Variants in NTN1 observed in about 807,000 individuals in gnomAD.
The protein encoded by NTN1 is netrin-1.
A neutral mutation model predicts 54.2 loss-of-function variants in NTN1; 11 were observed. The observed-to-expected ratio is 0.20, with a 90% confidence interval of 0.13 to 0.34. The LOEUF (loss-of-function observed/expected upper bound fraction) is 0.34. NTN1 is among the 10% of genes least tolerant of loss of function. The pLI, the probability that NTN1 is intolerant of heterozygous loss-of-function variation, is 1.00. For missense variants in NTN1, 740 were observed against 893.1 expected (o/e 0.83, Z 2.18); for synonymous variants, 371 against 382.0 (o/e 0.97, Z 0.33).
chr17:9,176,303 G>C (rs143478524), intron 3 of NTN1: 24 of 152,616 alleles, frequency 1.6e-4, no homozygotes, highest in Admixed American at 1.3e-3. Flanking sequence ...GAGAGCGAGG[G>C]AGGGAGAATT....
intron 2 of NTN1, among the ~76,000 whole-genome samples, chr17:9,050,819 T>C (rs1262096077): frequency 6.6e-6 from 1 of 151,938 alleles, no homozygotes; most frequent in African/African-American, 2.4e-5. Context: ...AATGAAATGA[T>C]GTATGTGAGA....
At chr17:9,086,358 C>G (rs1439736822) in intron 2 of NTN1, among the ~76,000 whole-genome samples, 2 of 152,108 alleles carry the variant, frequency 1.3e-5, no homozygotes, top group Non-Finnish European at 2.9e-5. Context: ...AAAAATAAAA[C>G]AAACAAACAT....
At chr17:9,054,099 A>G (rs2091969935) in intron 2 of NTN1, among the ~76,000 whole-genome samples, 1 of 152,184 alleles carries the variant, frequency 6.6e-6, no homozygotes, top group Admixed American at 6.5e-5. Context: ...CTGCCATGAA[A>G]AAGGAGACTC....
chr17:9,200,326 G>A (rs879069851), intron 5 of NTN1, among the ~76,000 whole-genome samples: 4 of 152,238 alleles, frequency 2.6e-5, no homozygotes, highest in Admixed American at 6.5e-5. Context: ...GGGCTGGCCC[G>A]GTGGGAGCAG....
chr17:9,105,500 T>G (rs1242004238), intron 2 of NTN1, among the ~76,000 whole-genome samples: 1 of 152,194 alleles, frequency 6.6e-6, no homozygotes, highest in Non-Finnish European at 1.5e-5. Context: ...TGGAGACGGC[T>G]TTGTTATAAA....
At position 9,214,257 on chromosome 17, in the gene NTN1, C is replaced by T. The variant is rs867049380; in HGVS notation, c.1412-6911C>T. On this transcript the variant is annotated intron_variant, in intron 5 of 6. Coordinates refer to ENST00000173229, the MANE Select transcript of NTN1 (RefSeq NM_004822.3). ...CAGGAAATGTGGCTTGTATAGTTTGCGCTTCTTGGGATTAATTTAGCATTC... is the reference window on the plus strand; with the variant it reads ...CAGGAAATGTGGCTTGTATAGTTTGTGCTTCTTGGGATTAATTTAGCATTC... Among the ~76,000 whole-genome samples the T allele has an allele frequency of 9.3e-3, 1,412 of 151,990 alleles. 8 individuals carry two copies. The highest frequency in any genetic ancestry group is 0.02 in the Middle Eastern group (6 of 294).
chr17:9,183,275 C>A (rs1277987517), intron 5 of NTN1: 2 of 609,332 alleles, frequency 3.3e-6, no homozygotes, highest in Non-Finnish European at 6.3e-6. Context: ...ACCTTCCAGG[C>A]TGAGGGGTTG....
intron 6 of NTN1, among the ~76,000 whole-genome samples, chr17:9,237,680 C>T (rs1034517101): frequency 1.3e-5 from 2 of 152,188 alleles, no homozygotes; most frequent in Non-Finnish European, 2.9e-5. Flanking sequence ...AGCCATATCC[C>T]GAGCTCATTC....
At chr17:9,062,072 A>G (rs1567700963) in intron 2 of NTN1, among the ~76,000 whole-genome samples, 1 of 152,156 alleles carries the variant, frequency 6.6e-6, no homozygotes. Context: ...TATGGCTGTG[A>G]GAGCAATCAC....
intron 2 of NTN1, among the ~76,000 whole-genome samples, chr17:9,106,532 T>C (rs1267947165): frequency 4.1e-5 from 4 of 97,180 alleles, no homozygotes; most frequent in African/African-American, 1.6e-4. Flanking sequence ...TTCCTTCCTT[T>C]CGACAGAGTC....
chr17:9,086,720 C>T (rs2092091154), intron 2 of NTN1, among the ~76,000 whole-genome samples: 1 of 152,156 alleles, frequency 6.6e-6, no homozygotes, highest in Non-Finnish European at 1.5e-5. Flanking sequence ...TCACTATCTC[C>T]TTTACCATCA....
chr17:9,210,682 G>A (rs1029126647), intron 5 of NTN1, among the ~76,000 whole-genome samples: 9 of 152,002 alleles, frequency 5.9e-5, no homozygotes, highest in East Asian at 1.9e-4. Flanking sequence ...CGAGGCAAGC[G>A]GATCACCTGA....
chr17:9,140,525 G>C (rs1014136785), intron 2 of NTN1, among the ~76,000 whole-genome samples: 2 of 152,218 alleles, frequency 1.3e-5, no homozygotes, highest in African/African-American at 4.8e-5. Flanking sequence ...GTGTGTGCAG[G>C]TGTGGGTCAG....
Position 9,162,865 on chromosome 17 carries a change from C to T in NTN1, c.1071C>T (p.Tyr357=), listed in dbSNP as rs1440490248. 6.2e-7 allele frequency: 1 copy of T among 1,614,154 alleles called. No homozygotes were observed. Among genetic ancestry groups the T allele is most frequent in the African/African-American group, 1.3e-5 (1 of 75,068 alleles). ...GCTGCCGCTTCAACATGGAGCTCTA[C>T]AAGCTTTCGGGGCGCAAGAGCGGAG... ...ARRCRFNMEL[Y]KLSGRKSGGV... Residue 357 remains tyrosine (Y), a synonymous_variant, in exon 3 of 7, where the codon TAC becomes TAT. Transcript: ENST00000173229.
intron 2 of NTN1, among the ~76,000 whole-genome samples, chr17:9,123,089 A>G (rs371288905): frequency 7.2e-5 from 11 of 152,318 alleles, no homozygotes; most frequent in African/African-American, 2.6e-4. Flanking sequence ...TCAAGGAATA[A>G]GCACATGTTT....
chr17:9,098,109 C>T (rs1033661532), intron 2 of NTN1, among the ~76,000 whole-genome samples: 2 of 152,166 alleles, frequency 1.3e-5, no homozygotes, highest in Non-Finnish European at 1.5e-5. Flanking sequence ...GTAGAGTGGA[C>T]GTTTCGCTCA....
At chr17:9,092,885 A>G (rs892688088) in intron 2 of NTN1, among the ~76,000 whole-genome samples, 13 of 152,084 alleles carry the variant, frequency 8.5e-5, no homozygotes, top group African/African-American at 2.7e-4. Flanking sequence ...CAGCCTCCTG[A>G]GTAGCTGGGA....
upstream of NTN1, among the ~76,000 whole-genome samples, chr17:9,019,751 C>G (rs1013737259): frequency 2.0e-5 from 3 of 152,228 alleles, no homozygotes; most frequent in African/African-American, 7.2e-5. Context: ...AAGAGCTATG[C>G]TGCCTTTCAG....
chr17:9,209,657 G>GCCAGGGCA (rs1567739458), intron 5 of NTN1, among the ~76,000 whole-genome samples: 2 of 152,172 alleles, frequency 1.3e-5, no homozygotes, highest in Non-Finnish European at 2.9e-5. Flanking sequence ...CTTGGTGGGG[G>GCCAGGGCA]CCAGGGCACC....
Sources: gnomAD v4.1 joint callset for allele counts (sites outside exome capture counted in the v4.1 genomes callset) on GRCh38, gnomAD v4.1.1 for gene constraint, MANE v1.5 for transcripts, NCBI Gene and HGNC (gene_info 2026-07-23, HGNC 2026-07-21) for gene names.